Variants in ACTR3C observed in about 807,000 individuals in gnomAD.
The protein encoded by ACTR3C is actin related protein 3C.
Under a neutral mutation model 26.3 loss-of-function variants are expected in ACTR3C, and 18 were observed. That is an observed-to-expected ratio of 0.68 (90% CI 0.47 to 1.01). The LOEUF (loss-of-function observed/expected upper bound fraction) is 1.01. Among genes scored for constraint, ACTR3C ranks in the 50% least tolerant of loss-of-function variants. The pLI is 0.00. For missense variants in ACTR3C, 184 were observed against 250.7 expected, an observed-to-expected ratio of 0.73 and a Z score of 1.80; for synonymous variants, 55 against 94.5, an observed-to-expected ratio of 0.58 and a Z score of 2.42.
At chr7:150,162,711 A>G in the ACTR3C span, among the ~76,000 whole-genome samples, 1 of 152,236 alleles carries the variant, frequency 6.6e-6, no homozygotes, top group African/African-American at 2.4e-5. Context: ...TTTGATGTAT[A>G]TCTACAAGCA....
the ACTR3C span, among the ~76,000 whole-genome samples, chr7:150,211,698 C>A: frequency 2.7e-5 from 4 of 150,796 alleles, no homozygotes; most frequent in East Asian, 7.7e-4. Flanking sequence ...AGGTGCCCAC[C>A]CACCTGACAC....
intron 6 of ACTR3C, among the ~76,000 whole-genome samples, chr7:150,282,474 C>T (rs545424956): frequency 3.5e-4 from 52 of 147,466 alleles, no homozygotes; most frequent in Non-Finnish European, 6.8e-4. Context: ...ATGTGACAAA[C>T]GAGAAAGCAT....
At chr7:149,953,049 T>C in the ACTR3C span, among the ~76,000 whole-genome samples, 1 of 150,976 alleles carries the variant, frequency 6.6e-6, no homozygotes, top group Non-Finnish European at 1.5e-5. Flanking sequence ...TTGCATATAA[T>C]TGGAGACTAT....
At chr7:149,993,524 G>C in the ACTR3C span, among the ~76,000 whole-genome samples, 1 of 152,144 alleles carries the variant, frequency 6.6e-6, no homozygotes, top group African/African-American at 2.4e-5. Context: ...TATGGCTGAT[G>C]GAATGGAGTC....
the ACTR3C span, among the ~76,000 whole-genome samples, chr7:150,046,351 C>G: frequency 4.9e-5 from 3 of 60,850 alleles, no homozygotes; most frequent in African/African-American, 1.0e-4. Flanking sequence ...CTCACCGCCC[C>G]CCCCCCCCCG....
downstream of ACTR3C, among the ~76,000 whole-genome samples, chr7:150,240,690 T>C (rs1407947529): frequency 1.3e-5 from 2 of 152,218 alleles, no homozygotes; most frequent in Admixed American, 1.3e-4. Context: ...TCACTATTTC[T>C]ACTTAACGTG....
At chr7:150,078,836 C>G in the ACTR3C span, among the ~76,000 whole-genome samples, 1 of 152,188 alleles carries the variant, frequency 6.6e-6, no homozygotes, top group Admixed American at 6.5e-5. Flanking sequence ...ATAAATCAAA[C>G]AGGGAGGCTT....
At chr7:150,237,342 G>A in the ACTR3C span, among the ~76,000 whole-genome samples, 3 of 152,184 alleles carry the variant, frequency 2.0e-5, no homozygotes, top group East Asian at 3.8e-4. Context: ...GCTGCAGCCT[G>A]TCTGGGTGTA....
chr7:150,139,135 A>AC, the ACTR3C span, among the ~76,000 whole-genome samples: 1 of 151,886 alleles, frequency 6.6e-6, no homozygotes, highest in African/African-American at 2.4e-5. Flanking sequence ...ATCCCACCCC[A>AC]CCCCACTCCC....
At chr7:149,956,220 T>G in the ACTR3C span, among the ~76,000 whole-genome samples, 1 of 152,170 alleles carries the variant, frequency 6.6e-6, no homozygotes, top group African/African-American at 2.4e-5. Flanking sequence ...CAGGTTATTG[T>G]GTATAGACTA....
the ACTR3C span, among the ~76,000 whole-genome samples, chr7:150,225,604 T>A: frequency 1.3e-5 from 2 of 152,264 alleles, no homozygotes; most frequent in Non-Finnish European, 2.9e-5. Context: ...TTCTTTTGAC[T>A]GTGTCTTACA....
At chr7:149,963,325 A>AT in the ACTR3C span, among the ~76,000 whole-genome samples, 1 of 151,996 alleles carries the variant, frequency 6.6e-6, no homozygotes, top group African/African-American at 2.4e-5. Flanking sequence ...TTGAACACAC[A>AT]TTTTTCTCGG....
chr7:150,266,687 G>C (rs1834063996), intron 6 of ACTR3C, among the ~76,000 whole-genome samples: 2 of 152,212 alleles, frequency 1.3e-5, no homozygotes, highest in Non-Finnish European at 2.9e-5. Flanking sequence ...CAAAGAATTT[G>C]TATCTAGGAT....
At chr7:149,947,840 C>A in the ACTR3C span, among the ~76,000 whole-genome samples, 1 of 144,786 alleles carries the variant, frequency 6.9e-6, no homozygotes, top group Non-Finnish European at 1.5e-5. Flanking sequence ...GGTTTCTGCC[C>A]AGTATAGGTC....
the ACTR3C span, among the ~76,000 whole-genome samples, chr7:150,008,067 T>A: frequency 6.6e-6 from 1 of 152,154 alleles, no homozygotes; most frequent in East Asian, 1.9e-4. Flanking sequence ...AAGAAAAAAA[T>A]CACAATTCCT....
chr7:150,195,644 C>T, the ACTR3C span, among the ~76,000 whole-genome samples: 1 of 152,354 alleles, frequency 6.6e-6, no homozygotes, highest in South Asian at 2.1e-4. Context: ...TTTGGGAGGC[C>T]GAGGCAGGTG....
the ACTR3C span, among the ~76,000 whole-genome samples, chr7:150,043,537 T>G: frequency 6.6e-6 from 1 of 152,256 alleles, no homozygotes; most frequent in East Asian, 1.9e-4. Context: ...AGCAGCAGCA[T>G]GTATTCACTG....
chr7:149,942,565 T>G, the ACTR3C span, among the ~76,000 whole-genome samples: 1 of 151,324 alleles, frequency 6.6e-6, no homozygotes, highest in African/African-American at 2.5e-5. Flanking sequence ...CAGAGATCCC[T>G]TAAGCTCGAA....
the ACTR3C span, among the ~76,000 whole-genome samples, chr7:150,160,211 C>A: frequency 4.6e-5 from 7 of 152,010 alleles, no homozygotes; most frequent in Non-Finnish European, 7.4e-5. Flanking sequence ...TTCTGCAATT[C>A]GATAAAGAGT....
Sources: gnomAD v4.1 joint callset for allele counts (sites outside exome capture counted in the v4.1 genomes callset) on GRCh38, gnomAD v4.1.1 for gene constraint, MANE v1.5 for transcripts, NCBI Gene and HGNC (gene_info 2026-07-23, HGNC 2026-07-21) for gene names.